The following CACNB2 variants were observed in gnomAD, a reference collection of about 807,000 sequenced individuals.
The protein encoded by CACNB2 is voltage-dependent L-type calcium channel subunit beta-2.
In CACNB2, 42 loss-of-function variants were observed where a neutral mutation model predicts 73.3. The observed-to-expected ratio is 0.57, with a 90% CI of 0.45 to 0.74. The LOEUF (loss-of-function observed/expected upper bound fraction) is 0.74. Ranked by LOEUF, CACNB2 falls within the 30% of genes least tolerant of loss-of-function variation. The probability of loss-of-function intolerance (pLI) is 0.00; values close to 1 mark genes in which losing one functional copy is unlikely to be tolerated. For synonymous variants in CACNB2, 348 were observed against 310.3 expected (o/e 1.12, Z -1.28); for missense variants, 940 against 853.0 (o/e 1.10, Z -1.27).
In CACNB2 at chr10:18,165,289, G is replaced by A. The variant is rs755494336; in HGVS notation, c.213+14314G>A. The stretch of plus-strand genomic sequence containing the variant: ...AGGGCAGAGAGGAGGGATGGAAAGC[G>A]ATGAGTTCCATCTGCTGCGGCTGGT... On this transcript the variant is annotated intron_variant, in intron 2 of 13. Coordinates refer to ENST00000324631, the MANE Select transcript of CACNB2 (RefSeq NM_201596.3). Among the ~76,000 whole-genome samples, 15 of 152,206 alleles carry A rather than the reference G, an allele frequency of 9.9e-5. No individual in the cohort carries two copies. The East Asian group carries it at 1.2e-3, about 12-fold the overall frequency.
chr10:18,535,519 T>C (rs1325420153), intron 11 of CACNB2, among the ~76,000 whole-genome samples: 1 of 152,024 alleles, frequency 6.6e-6, no homozygotes, highest in Admixed American at 6.6e-5. Flanking sequence ...ATACCTGTAA[T>C]CCCAGCACTC....
intron 4 of CACNB2, among the ~76,000 whole-genome samples, chr10:18,499,366 C>T (rs1251400626): frequency 6.6e-6 from 1 of 152,046 alleles, no homozygotes; most frequent in Non-Finnish European, 1.5e-5. Context: ...GCCTGTAATC[C>T]CAACACTTTG....
intron 2 of CACNB2, among the ~76,000 whole-genome samples, chr10:18,241,518 G>A (rs2131505896): frequency 6.6e-6 from 1 of 151,936 alleles, no homozygotes; most frequent in Non-Finnish European, 1.5e-5. Context: ...AACCACCATG[G>A]CATATGTATA....
At chr10:18,368,873 G>T (rs1397533999) in intron 2 of CACNB2, among the ~76,000 whole-genome samples, 1 of 151,960 alleles carries the variant, frequency 6.6e-6, no homozygotes, top group Non-Finnish European at 1.5e-5. Flanking sequence ...ATGTTAAACA[G>T]TTACAGCATG....
intron 3 of CACNB2, among the ~76,000 whole-genome samples, chr10:18,487,514 T>C (rs1314147386): frequency 1.3e-5 from 2 of 152,114 alleles, no homozygotes; most frequent in African/African-American, 4.8e-5. Context: ...AACCAGGTGG[T>C]TGGTCTCTTC....
chr10:18,346,433 C>G (rs889543695), intron 2 of CACNB2, among the ~76,000 whole-genome samples: 1 of 151,488 alleles, frequency 6.6e-6, no homozygotes, highest in South Asian at 2.1e-4. Context: ...CCACTGCACC[C>G]GGCCAGAACT....
intron 3 of CACNB2, among the ~76,000 whole-genome samples, chr10:18,422,273 G>A (rs902711198): frequency 6.6e-6 from 1 of 152,130 alleles, no homozygotes; most frequent in Admixed American, 6.6e-5. Flanking sequence ...ATTCTTGCCT[G>A]GATGATCTAT....
intron 2 of CACNB2, among the ~76,000 whole-genome samples, chr10:18,270,536 A>G (rs1029746026): frequency 5.3e-5 from 8 of 152,154 alleles, no homozygotes; most frequent in African/African-American, 1.7e-4. Flanking sequence ...TATGAGTGCA[A>G]TCTGAGCAAT....
intron 2 of CACNB2, among the ~76,000 whole-genome samples, chr10:18,308,033 C>T (rs938916142): frequency 2.7e-5 from 3 of 110,848 alleles, no homozygotes; most frequent in African/African-American, 7.5e-5. Flanking sequence ...TGCTCCGTCA[C>T]CCTGGGCTGG....
intron 3 of CACNB2, among the ~76,000 whole-genome samples, chr10:18,486,300 C>T (rs527306743): frequency 6.6e-6 from 1 of 152,236 alleles, no homozygotes; most frequent in Non-Finnish European, 1.5e-5. Flanking sequence ...ACTCATTAGT[C>T]ATTGTTTAGG....
At chr10:18,165,104 G>C (rs2032755862) in intron 2 of CACNB2, among the ~76,000 whole-genome samples, 1 of 152,178 alleles carries the variant, frequency 6.6e-6, no homozygotes, top group Non-Finnish European at 1.5e-5. Context: ...ACAAAAATGT[G>C]GTGGGTACAC....
At chr10:18,339,224 A>C (rs2041137455) in intron 2 of CACNB2, among the ~76,000 whole-genome samples, 1 of 152,032 alleles carries the variant, frequency 6.6e-6, no homozygotes, top group Non-Finnish European at 1.5e-5. Context: ...GTACCAGTTT[A>C]TACTCCCACC....
At chr10:18,413,709 A>G (rs1312187928) in intron 3 of CACNB2, among the ~76,000 whole-genome samples, 1 of 152,222 alleles carries the variant, frequency 6.6e-6, no homozygotes, top group Non-Finnish European at 1.5e-5. Context: ...CATCTCTGCC[A>G]TGGAATGGCT....
chr10:18,479,376 G>A (rs1235328401), intron 3 of CACNB2, among the ~76,000 whole-genome samples: 2 of 152,002 alleles, frequency 1.3e-5, no homozygotes, highest in Non-Finnish European at 2.9e-5. Context: ...TATACCTGGA[G>A]TTCTTAATAA....
chr10:18,335,168 CTTAAA>C (rs2040952594), intron 2 of CACNB2, among the ~76,000 whole-genome samples: 1 of 151,800 alleles, frequency 6.6e-6, no homozygotes, highest in African/African-American at 2.4e-5. Context: ...GACTTAACCA[CTTAAA>C]TTAAGATAGC....
chr10:18,315,901 T>A (rs979708881), intron 2 of CACNB2, among the ~76,000 whole-genome samples: 6 of 152,210 alleles, frequency 3.9e-5, no homozygotes, highest in Non-Finnish European at 7.3e-5. Flanking sequence ...GACACCATTC[T>A]GCAGTTTCCA....
intron 3 of CACNB2, among the ~76,000 whole-genome samples, chr10:18,443,012 A>G (rs1461255107): frequency 6.6e-5 from 2 of 30,128 alleles, no homozygotes; most frequent in Non-Finnish European, 1.2e-4. Flanking sequence ...ATATATATAT[A>G]TGTATATATA....
chr10:18,148,951 G>C (rs896234004), intron 1 of CACNB2, among the ~76,000 whole-genome samples: 8 of 148,714 alleles, frequency 5.4e-5, no homozygotes, highest in Non-Finnish European at 7.4e-5. Context: ...GCTGCAGTGA[G>C]CCATGATCAT....
chr10:18,276,872 C>T (rs2038314807), intron 2 of CACNB2, among the ~76,000 whole-genome samples: 1 of 152,202 alleles, frequency 6.6e-6, no homozygotes, highest in African/African-American at 2.4e-5. Context: ...AGCCACCACA[C>T]CCGGCCTTGC....
Sources: allele counts gnomAD v4.1 joint callset (sites outside exome capture counted in the v4.1 genomes callset), GRCh38; gene constraint gnomAD v4.1.1; transcripts MANE v1.5; gene names NCBI Gene and HGNC (gene_info 2026-07-23, HGNC 2026-07-21).